Variants in GNA14 observed in about 807,000 individuals in gnomAD.
GNA14 encodes guanine nucleotide-binding protein subunit alpha-14.
Under a neutral mutation model 42.0 loss-of-function variants are expected in GNA14, and 50 were observed. The observed-to-expected ratio is 1.19, with a 90% CI of 0.95 to 1.51. The LOEUF (loss-of-function observed/expected upper bound fraction) is 1.51. GNA14 is among the 40% of genes most tolerant of loss of function. GNA14 has a pLI of 0.00. For missense variants in GNA14, 473 were observed against 446.2 expected (o/e 1.06, Z -0.54); for synonymous variants, 173 against 163.1 (o/e 1.06, Z -0.46).
intron 2 of GNA14, among the ~76,000 whole-genome samples, chr9:77,447,877 G>T (rs1835848674): frequency 6.6e-6 from 1 of 152,174 alleles, no homozygotes; most frequent in Non-Finnish European, 1.5e-5. Context: ...AAGGGAGGCT[G>T]GGAAATGTGG....
chr9:77,596,638 A>G (rs747576439), intron 1 of GNA14, among the ~76,000 whole-genome samples: 1 of 152,178 alleles, frequency 6.6e-6, no homozygotes, highest in Non-Finnish European at 1.5e-5. Flanking sequence ...AAAATGATCC[A>G]AAAAGGAGAA....
rs556801174 is a variant in GNA14 at position 77,487,082 on chromosome 9, G to A, written c.309+41987C>T. 5.3e-5 allele frequency among the ~76,000 whole-genome samples: 8 copies of A among 151,828 alleles called. No homozygotes were observed. The East Asian group carries it at 1.6e-3, about 29-fold the overall frequency. ...AGTGAAGCAGCATAGAATGAGGTAT[G>A]CTTGTATTATGTTTTTTCATCTGAT... On this transcript the variant is annotated intron_variant, in intron 2 of 6. Transcript: ENST00000341700.
intron 1 of GNA14, among the ~76,000 whole-genome samples, chr9:77,640,190 C>T (rs1029355361): frequency 1.3e-5 from 2 of 152,232 alleles, no homozygotes; most frequent in Non-Finnish European, 2.9e-5. Flanking sequence ...GTCCCCTAAC[C>T]CAACTGCCCT....
At chr9:77,486,283 G>A (rs2120397) in intron 2 of GNA14, among the ~76,000 whole-genome samples, 116,296 of 152,164 alleles carry the variant, frequency 0.76, 45,816 homozygotes, top group East Asian at 0.99. Context: ...CTCACTTCCA[G>A]CTTTTATTGT....
intron 1 of GNA14, 114 bp downstream of exon 1, chr9:77,647,556 G>T (rs926035549): frequency 1.2e-5 from 15 of 1,216,432 alleles, no homozygotes; most frequent in Non-Finnish European, 1.7e-5. Context: ...GGAGAAGGAC[G>T]AAGCCGCCCT....
chr9:77,454,465 C>T (rs1564018910), intron 2 of GNA14, among the ~76,000 whole-genome samples: 2 of 152,274 alleles, frequency 1.3e-5, no homozygotes. Context: ...AGTGCCAGGC[C>T]ACTCAGACTT....
intron 2 of GNA14, among the ~76,000 whole-genome samples, chr9:77,465,902 G>A (rs1836213936): frequency 1.3e-5 from 2 of 152,160 alleles, no homozygotes; most frequent in Admixed American, 1.3e-4. Context: ...CCACCAGGCT[G>A]GGTAATATAA....
intron 2 of GNA14, among the ~76,000 whole-genome samples, chr9:77,439,137 T>C (rs1835686221): frequency 6.6e-6 from 1 of 152,210 alleles, no homozygotes; most frequent in South Asian, 2.1e-4. Context: ...CAAGGGTCTG[T>C]TCTTTAGTCA....
chr9:77,483,267 C>T (rs968782085), intron 2 of GNA14, among the ~76,000 whole-genome samples: 6 of 152,184 alleles, frequency 3.9e-5, no homozygotes, highest in African/African-American at 1.4e-4. Context: ...AGTTTTCCTT[C>T]TAACAGACAG....
intron 1 of GNA14, among the ~76,000 whole-genome samples, chr9:77,623,087 C>A (rs1485683941): frequency 6.7e-6 from 1 of 149,622 alleles, no homozygotes; most frequent in Admixed American, 6.7e-5. Context: ...TGGTGGCATG[C>A]GCCTGTAGTT....
At chr9:77,635,488 A>G (rs1377264751) in intron 1 of GNA14, among the ~76,000 whole-genome samples, 2 of 152,224 alleles carry the variant, frequency 1.3e-5, no homozygotes, top group African/African-American at 4.8e-5. Flanking sequence ...CATAAAATCA[A>G]ATACTATGTC....
chr9:77,632,429 C>A (rs929189256), intron 1 of GNA14, among the ~76,000 whole-genome samples: 6 of 152,192 alleles, frequency 3.9e-5, no homozygotes, highest in Non-Finnish European at 5.9e-5. Flanking sequence ...CCCATGGCCA[C>A]CCATGGACCA....
chr9:77,642,628 G>A (rs971921925), intron 1 of GNA14, among the ~76,000 whole-genome samples: 21 of 152,172 alleles, frequency 1.4e-4, no homozygotes, highest in Middle Eastern at 3.4e-3. Context: ...AATTAGCTGG[G>A]CGTGGTAGTG....
chr9:77,568,989 A>T (rs1157154729), intron 1 of GNA14, among the ~76,000 whole-genome samples: 2 of 152,196 alleles, frequency 1.3e-5, no homozygotes, highest in Non-Finnish European at 2.9e-5. Flanking sequence ...GTGGATCTCC[A>T]AATCAGACAA....
chr9:77,609,417 C>A (rs1157125360), intron 1 of GNA14, among the ~76,000 whole-genome samples: 3 of 152,150 alleles, frequency 2.0e-5, no homozygotes, highest in African/African-American at 7.2e-5. Context: ...TCTTTCTAAG[C>A]CCTCACCAAA....
At chr9:77,428,846 C>T (rs1835497287) in intron 5 of GNA14, 61 bp downstream of exon 5, 5 of 1,570,116 alleles carry the variant, frequency 3.2e-6, no homozygotes, top group Non-Finnish European at 4.3e-6. Context: ...CGGCTGCCTT[C>T]TTAGAAACCA....
intron 2 of GNA14, among the ~76,000 whole-genome samples, chr9:77,480,321 G>C (rs1381042645): frequency 6.6e-6 from 1 of 152,144 alleles, no homozygotes; most frequent in Non-Finnish European, 1.5e-5. Flanking sequence ...TGTGGTTTTT[G>C]TCTTTGGTTC....
intron 1 of GNA14, among the ~76,000 whole-genome samples, chr9:77,592,618 T>A (rs759086311): frequency 2.6e-5 from 4 of 152,194 alleles, no homozygotes; most frequent in Non-Finnish European, 5.9e-5. Flanking sequence ...GAATGACTCA[T>A]GAAGTTATTC....
intron 2 of GNA14, among the ~76,000 whole-genome samples, chr9:77,452,064 T>C (rs1835910100): frequency 6.6e-6 from 1 of 151,964 alleles, no homozygotes; most frequent in Admixed American, 6.5e-5. Context: ...CGGATATAAC[T>C]CCACAGAGGC....
Sources: gnomAD v4.1 joint callset for allele counts (sites outside exome capture counted in the v4.1 genomes callset) on GRCh38, gnomAD v4.1.1 for gene constraint, MANE v1.5 for transcripts, NCBI Gene and HGNC (gene_info 2026-07-23, HGNC 2026-07-21) for gene names.